Variants in SYN3 observed in about 807,000 individuals in gnomAD.
SYN3 encodes synapsin-3.
In SYN3, 35 loss-of-function variants were observed where a neutral mutation model predicts 65.8. The observed-to-expected ratio is 0.53, with a 90% CI of 0.41 to 0.70. The LOEUF (loss-of-function observed/expected upper bound fraction) is 0.70. SYN3 is among the 30% of genes least tolerant of loss of function. SYN3 has a pLI of 0.00. For missense variants in SYN3, 680 were observed against 749.0 expected (o/e 0.91, Z 1.08); for synonymous variants, 270 against 292.9 (o/e 0.92, Z 0.80).
At chr22:32,696,725 C>T (rs572858868) in intron 6 of SYN3, among the ~76,000 whole-genome samples, 2 of 152,244 alleles carry the variant, frequency 1.3e-5, no homozygotes, top group South Asian at 4.1e-4. Flanking sequence ...CGGCTCTTCC[C>T]ACCTTCCTTA....
At chr22:32,626,923 T>C (rs2059674264) in intron 6 of SYN3, among the ~76,000 whole-genome samples, 1 of 152,230 alleles carries the variant, frequency 6.6e-6, no homozygotes, top group Non-Finnish European at 1.5e-5. Context: ...ATGAGGTCCC[T>C]GGACACCTGG....
intron 4 of SYN3, among the ~76,000 whole-genome samples, chr22:32,919,015 C>T (rs1416609565): frequency 6.6e-6 from 1 of 152,134 alleles, no homozygotes; most frequent in Non-Finnish European, 1.5e-5. Flanking sequence ...GAGGTGGGCA[C>T]CAAATTCAAC....
intron 4 of SYN3, among the ~76,000 whole-genome samples, chr22:32,901,055 T>A (rs896480885): frequency 6.6e-6 from 1 of 152,236 alleles, no homozygotes. Flanking sequence ...TGCAAAATTA[T>A]GCAATTTGCA....
intron 4 of SYN3, among the ~76,000 whole-genome samples, chr22:32,879,054 CACACACACAG>C (rs1206584552): frequency 2.6e-5 from 4 of 151,890 alleles, no homozygotes. Flanking sequence ...AGGTAACCAA[CACACACACAG>C]ACACACACAT....
intron 6 of SYN3, among the ~76,000 whole-genome samples, chr22:32,662,927 A>G (rs908013831): frequency 1.3e-5 from 2 of 152,242 alleles, no homozygotes; most frequent in Non-Finnish European, 2.9e-5. Flanking sequence ...ACTTTCTGAG[A>G]AAAGCAAACA....
At chr22:32,998,776 T>TAAAAAAAAATAAA (rs2052963053) in intron 2 of SYN3, among the ~76,000 whole-genome samples, 1 of 82,008 alleles carries the variant, frequency 1.2e-5, no homozygotes, top group Admixed American at 1.4e-4. Context: ...ATAGAAATAG[T>TAAAAAAAAATAAA]AAAAAAAAAA....
intron 6 of SYN3, among the ~76,000 whole-genome samples, chr22:32,672,654 TG>T (rs2060387012): frequency 6.6e-6 from 1 of 152,212 alleles, no homozygotes; most frequent in African/African-American, 2.4e-5. Context: ...AAAGCCACGC[TG>T]TCTTGAGCTG....
At chr22:32,648,769 C>G (rs1337980466) in intron 6 of SYN3, among the ~76,000 whole-genome samples, 2 of 152,212 alleles carry the variant, frequency 1.3e-5, no homozygotes, top group African/African-American at 4.8e-5. Flanking sequence ...ACGCTGAGCT[C>G]AGAGCCTGGC....
intron 6 of SYN3, among the ~76,000 whole-genome samples, chr22:32,619,279 A>T (rs1208768209): frequency 6.6e-6 from 1 of 152,238 alleles, no homozygotes. Flanking sequence ...ATTCATTTGT[A>T]AAATAAAAGT....
chr22:32,786,695 G>A (rs1292390582), intron 6 of SYN3, among the ~76,000 whole-genome samples: 3 of 152,142 alleles, frequency 2.0e-5, no homozygotes, highest in African/African-American at 4.8e-5. Context: ...TAAAGGAGGG[G>A]GGATTTAATA....
chr22:32,869,011 G>A lies in SYN3; in HGVS notation c.576C>T (p.Val192=), dbSNP rs2048765685. 1 of 1,614,146 alleles carries A rather than the reference G, an allele frequency of 6.2e-7. No homozygotes were observed. Among genetic ancestry groups the A allele is most frequent in the Non-Finnish European group, 8.5e-7 (1 of 1,180,024 alleles). ...IGLQYGGLPA[V]NSLYSVYNFC... is the part of the protein sequence containing the mutation. ...AGTTGTAGACGGAGTAGAGAGAGTT[G>A]ACAGCAGGCAGCCCTCCATACTGCA... Residue 192 remains valine, a synonymous_variant, in exon 5 of 14, where the codon GTC becomes GTT. Transcript: ENST00000358763.
chr22:32,587,352 G>T lies in SYN3; in HGVS notation c.774+9322C>A, dbSNP rs550819219. On this transcript the variant is annotated intron_variant, in intron 7 of 13. Transcript: ENST00000358763. ...GTGGGATTGAGAGGGAGGGCAGTGGGTGTTGGGGGGGAGGGTCCCTCACGG... is the reference window on the plus strand; with the variant it reads ...GTGGGATTGAGAGGGAGGGCAGTGGTTGTTGGGGGGGAGGGTCCCTCACGG... 3.3e-5 allele frequency among the ~76,000 whole-genome samples: 5 copies of T among 151,834 alleles called. No individual in the cohort carries two copies. In the East Asian group the frequency reaches 9.7e-4, roughly 29 times the overall value.
At chr22:32,613,373 CCCT>C (rs1404546084) in intron 6 of SYN3, among the ~76,000 whole-genome samples, 11 of 152,088 alleles carry the variant, frequency 7.2e-5, no homozygotes, top group African/African-American at 2.7e-4. Flanking sequence ...CTCTAGCCCT[CCCT>C]CCTCCTTGCA....
chr22:32,620,584 T>A (rs779039937), intron 6 of SYN3, among the ~76,000 whole-genome samples: 1 of 152,282 alleles, frequency 6.6e-6, no homozygotes, highest in Admixed American at 6.5e-5. Flanking sequence ...TCAATGGTTG[T>A]CTTAAAAGAA....
chr22:32,562,901 G>A (rs2058607084), intron 7 of SYN3, among the ~76,000 whole-genome samples: 1 of 152,274 alleles, frequency 6.6e-6, no homozygotes, highest in South Asian at 2.1e-4. Context: ...CCAGGACAAG[G>A]GAAAGAAGAG....
At chr22:32,884,091 C>T (rs527293203) in intron 4 of SYN3, among the ~76,000 whole-genome samples, 2 of 152,326 alleles carry the variant, frequency 1.3e-5, no homozygotes, top group South Asian at 4.1e-4. Context: ...CCAAGAAACA[C>T]GTCAGCATGC....
intron 8 of SYN3, among the ~76,000 whole-genome samples, chr22:32,540,407 C>T (rs1448586619): frequency 1.3e-5 from 2 of 152,226 alleles, no homozygotes; most frequent in African/African-American, 4.8e-5. Context: ...CCAGGGCTAA[C>T]CCTTGCAGTC....
At chr22:32,968,799 C>T (rs1458977540) in intron 3 of SYN3, among the ~76,000 whole-genome samples, 1 of 152,298 alleles carries the variant, frequency 6.6e-6, no homozygotes, top group East Asian at 1.9e-4. Flanking sequence ...AGATCCTCGT[C>T]GCAACACATT....
At chr22:33,005,498 C>T (rs2053173782) in intron 2 of SYN3, among the ~76,000 whole-genome samples, 1 of 152,220 alleles carries the variant, frequency 6.6e-6, no homozygotes, top group Non-Finnish European at 1.5e-5. Flanking sequence ...CCCTACTATA[C>T]CCATGCATCT....
Sources: allele counts gnomAD v4.1 joint callset (sites outside exome capture counted in the v4.1 genomes callset), GRCh38; gene constraint gnomAD v4.1.1; transcripts MANE v1.5; gene names NCBI Gene and HGNC (gene_info 2026-07-23, HGNC 2026-07-21).